Variants in RARRES1 observed in about 807,000 individuals in gnomAD.
RARRES1 encodes the protein retinoic acid receptor responder protein 1.
Under a neutral mutation model 30.6 loss-of-function variants are expected in RARRES1, and 34 were observed. The ratio of observed to expected loss-of-function variants is 1.11; its 90% CI spans 0.84 to 1.48. RARRES1 has a LOEUF of 1.48. Among genes scored for constraint, RARRES1 ranks in the 40% most tolerant of loss-of-function variants. RARRES1 has a pLI of 0.00. For synonymous variants in RARRES1, 153 were observed against 155.5 expected (o/e 0.98, Z 0.12); for missense variants, 373 against 386.5 (o/e 0.97, Z 0.29).
chr3:158,703,621 T>C (rs898919296), intron 4 of RARRES1, among the ~76,000 whole-genome samples: 1 of 152,132 alleles, frequency 6.6e-6, no homozygotes, highest in Admixed American at 6.6e-5. Flanking sequence ...CTTGATAAGC[T>C]CTCCCTTCAT....
chr3:158,719,874 A>T (rs535402568), intron 1 of RARRES1, among the ~76,000 whole-genome samples: 1 of 152,226 alleles, frequency 6.6e-6, no homozygotes, highest in Non-Finnish European at 1.5e-5. Flanking sequence ...TCAAATCCTT[A>T]GCAAATCAAT....
In RARRES1 at chr3:158,722,450, T is replaced by C. The variant is rs111869919; in HGVS notation, c.277-8591A>G. 5.9e-5 allele frequency among the ~76,000 whole-genome samples: 9 copies of C among 152,326 alleles called. 1 individual carries two copies. Among genetic ancestry groups the C allele is most frequent in the East Asian group, 3.9e-4 (2 of 5,188 alleles). On this transcript the variant is annotated intron_variant, in intron 1 of 5. Coordinates refer to ENST00000237696, the MANE Select transcript of RARRES1 (RefSeq NM_206963.2). Reference sequence around the variant, plus strand: ...ATTGCATAAAGTCAATTTGAAATATTAAAATATTTAAATATTTTCCAATAT... The same window carrying C: ...ATTGCATAAAGTCAATTTGAAATATCAAAATATTTAAATATTTTCCAATAT...
intron 1 of RARRES1, among the ~76,000 whole-genome samples, chr3:158,725,005 G>T (rs894639720): frequency 6.6e-6 from 1 of 152,044 alleles, no homozygotes; most frequent in African/African-American, 2.4e-5. Context: ...CTTATTTTTT[G>T]TAGAGATGGG....
chr3:158,706,102 A>G (rs78050092), intron 3 of RARRES1, among the ~76,000 whole-genome samples: 3,461 of 152,316 alleles, frequency 0.023, 155 homozygotes, highest in African/African-American at 0.08. Context: ...AATCCTTAGC[A>G]TAAATTCTAT....
At chr3:158,715,821 T>C (rs1326452313) in intron 1 of RARRES1, among the ~76,000 whole-genome samples, 1 of 152,054 alleles carries the variant, frequency 6.6e-6, no homozygotes, top group Non-Finnish European at 1.5e-5. Context: ...TGGACAAGGC[T>C]CCCATGACCT....
chr3:158,714,809 A>G (rs1727270095), intron 1 of RARRES1, among the ~76,000 whole-genome samples: 1 of 152,234 alleles, frequency 6.6e-6, no homozygotes, highest in South Asian at 2.1e-4. Context: ...GTTATTTCAC[A>G]TAGCATTGAT....
At chr3:158,713,749 A>T in intron 2 of RARRES1, 48 bp downstream of exon 2, 6 of 1,538,108 alleles carry the variant, frequency 3.9e-6, no homozygotes, top group Non-Finnish European at 5.4e-6. Context: ...ACAAAGCCAT[A>T]TTTATAGCAG....
chr3:158,705,966 AG>A (rs1307365853), intron 3 of RARRES1, among the ~76,000 whole-genome samples: 1 of 152,224 alleles, frequency 6.6e-6, no homozygotes, highest in Non-Finnish European at 1.5e-5. Flanking sequence ...AAATTTTATG[AG>A]GTGACTGTTC....
intron 2 of RARRES1, 49 bp from the exon 3 acceptor site, chr3:158,710,982 A>G: frequency 2.0e-6 from 3 of 1,478,152 alleles, no homozygotes. Context: ...ACCCCAGTGC[A>G]CACAAGCACA....
chr3:158,713,835 C>G lies in RARRES1; in HGVS notation c.301G>C (p.Val101Leu), dbSNP rs1727230690. The change falls in exon 2 of 6, where the codon GTT (valine) becomes CTT (leucine). Residue 101 changes from valine (V) to leucine (L), a missense_variant. By Grantham distance (32) the Val-to-Leu change is conservative. Transcript: ENST00000237696. ...CGCTCTGTGCTGAAGACCACGTGAA[C>G]TTTACATCCCTCTTTTGGATTAATC... ...AWINPKEGCK[V>L]HVVFSTERYN... 1 of 1,613,954 alleles carries G rather than the reference C, an allele frequency of 6.2e-7. No homozygotes were observed.
rs142736477 is a variant in RARRES1, at chr3:158,721,777, A to G, written c.277-7918T>C. Among the ~76,000 whole-genome samples the G allele has an allele frequency of 5.0e-3, 755 of 152,290 alleles. 3 individuals are homozygous for G. Among genetic ancestry groups the G allele is most frequent in the African/African-American group, 0.017 (687 of 41,548 alleles). The stretch of plus-strand genomic sequence containing the variant: ...CAACTGATAAACTCCATGGTGACAC[A>G]GTATGTGCTATTCTTTGAGAAGGAA... On this transcript the variant is annotated intron_variant, in intron 1 of 5. Transcript: ENST00000237696.
chr3:158,713,313 C>G (rs1323171187), intron 2 of RARRES1, among the ~76,000 whole-genome samples: 1 of 152,134 alleles, frequency 6.6e-6, no homozygotes, highest in Non-Finnish European at 1.5e-5. Flanking sequence ...TCCGCTTGGT[C>G]AAAGCTGTAG....
At chr3:158,700,199 A>AG (rs1406439734) in intron 4 of RARRES1, among the ~76,000 whole-genome samples, 5 of 113,714 alleles carry the variant, frequency 4.4e-5, no homozygotes, top group Admixed American at 1.8e-4. Flanking sequence ...AAAAATAATA[A>AG]TAAGTGTGTG....
chr3:158,728,458 T>C (rs1268191745), intron 1 of RARRES1, among the ~76,000 whole-genome samples: 1 of 151,804 alleles, frequency 6.6e-6, no homozygotes, highest in Admixed American at 6.6e-5. Flanking sequence ...AACAATGCAC[T>C]GGTTGGGTAG....
rs73158310 is a variant in RARRES1, at chr3:158,728,211, A to T, written c.276+3929T>A. 1.9e-3 allele frequency among the ~76,000 whole-genome samples: 164 copies of T among 85,904 alleles called. 1 individual carries two copies. Among genetic ancestry groups the T allele is most frequent in the African/African-American group, 7.0e-3 (151 of 21,682 alleles). 56.4% of individuals were successfully genotyped at this position (85,904 alleles called of 152,430 possible). A position where few individuals can be genotyped will look rare whatever the true frequency, so the allele number is the denominator to read the frequency against. On this transcript the variant is annotated intron_variant, in intron 1 of 5. Coordinates refer to ENST00000237696, the MANE Select transcript of RARRES1 (RefSeq NM_206963.2). ...GTTTGTAGTCTATACTATTTCGTTT[A>T]AAAAAAAAAAAAACCGGATCCCACA...
intron 2 of RARRES1, 65 bp from the exon 3 acceptor site, chr3:158,710,998 G>A (rs1727114479): frequency 6.9e-7 from 1 of 1,443,064 alleles, no homozygotes; most frequent in Non-Finnish European, 9.6e-7. Flanking sequence ...GCACACACAA[G>A]ATTGAGAAGA....
At chr3:158,727,986 G>A (rs1483067535) in intron 1 of RARRES1, among the ~76,000 whole-genome samples, 1 of 152,146 alleles carries the variant, frequency 6.6e-6, no homozygotes, top group Non-Finnish European at 1.5e-5. Flanking sequence ...ATAACTTGAC[G>A]CGCCAACAGC....
At chr3:158,719,843 TTA>T (rs1727443857) in intron 1 of RARRES1, among the ~76,000 whole-genome samples, 1 of 152,196 alleles carries the variant, frequency 6.6e-6, no homozygotes, top group Admixed American at 6.5e-5. Flanking sequence ...TTTTATTTAT[TTA>T]TGTTTTGGTA....
At chr3:158,709,053 A>G (rs1280405375) in intron 3 of RARRES1, among the ~76,000 whole-genome samples, 1 of 152,212 alleles carries the variant, frequency 6.6e-6, no homozygotes, top group Non-Finnish European at 1.5e-5. Context: ...AGCTATAGAT[A>G]GCACCATTAA....
Sources: gnomAD v4.1 joint callset for allele counts (sites outside exome capture counted in the v4.1 genomes callset) on GRCh38, gnomAD v4.1.1 for gene constraint, MANE v1.5 for transcripts, NCBI Gene and HGNC (gene_info 2026-07-23, HGNC 2026-07-21) for gene names.